LATS1: variants seen among roughly 807,000 people sequenced by gnomAD.
LATS1 encodes large tumor suppressor kinase 1.
A neutral mutation model predicts 106.6 loss-of-function variants in LATS1; 25 were observed. The ratio of observed to expected loss-of-function variants is 0.23; its 90% CI spans 0.17 to 0.33. LATS1 has a LOEUF of 0.33. Ranked by LOEUF, LATS1 falls within the 10% of genes least tolerant of loss-of-function variation. LATS1 has a pLI of 1.00. For synonymous variants in LATS1, 465 were observed against 455.6 expected (o/e 1.02, Z -0.26); for missense variants, 1,040 against 1,382.6 (o/e 0.75, Z 3.93).
At position 149,696,583 on chromosome 6, in the gene LATS1, AAAAG is replaced by A. The variant is rs1783088238; in HGVS notation, c.349-1366_349-1363del. ...TTAAAAAAAAAAAAAAAAAAAAAAA[AAAAG>A]AACTACTTTTTTATATGAGTATCTT... On this transcript the variant is annotated intron_variant, in intron 2 of 7. Coordinates refer to ENST00000543571, the MANE Select transcript of LATS1 (RefSeq NM_004690.4). Among the ~76,000 whole-genome samples, 5 of 151,268 alleles carry A rather than the reference AAAAG, an allele frequency of 3.3e-5. No individual in the cohort carries two copies. In the South Asian group the frequency reaches 8.4e-4, roughly 25 times the overall value.
chr6:149,664,572 C>T (rs1781045323), intron 7 of LATS1, among the ~76,000 whole-genome samples: 1 of 152,132 alleles, frequency 6.6e-6, no homozygotes, highest in Admixed American at 6.5e-5. Context: ...TACATATACT[C>T]TCCTGTCTCC....
intron 7 of LATS1, among the ~76,000 whole-genome samples, chr6:149,672,114 A>C (rs1283873894): frequency 6.6e-6 from 1 of 151,702 alleles, no homozygotes; most frequent in Non-Finnish European, 1.5e-5. Context: ...GCTGGTCTCA[A>C]ACTCCTGACC....
chr6:149,685,642 T>TTCCAAA (rs1423619354), intron 3 of LATS1, among the ~76,000 whole-genome samples: 1 of 152,168 alleles, frequency 6.6e-6, no homozygotes, highest in African/African-American at 2.4e-5. Flanking sequence ...CTCCTAAGCC[T>TTCCAAA]TCCAAAGTGC....
intron 3 of LATS1, among the ~76,000 whole-genome samples, chr6:149,684,873 C>CA (rs1782275204): frequency 6.6e-6 from 1 of 150,504 alleles, no homozygotes; most frequent in Non-Finnish European, 1.5e-5. Context: ...CTCAATTTAG[C>CA]AAAAAAAGAA....
chr6:149,664,514 A>T (rs1016334166), intron 7 of LATS1, among the ~76,000 whole-genome samples: 2 of 152,166 alleles, frequency 1.3e-5, no homozygotes, highest in Non-Finnish European at 2.9e-5. Context: ...TAAAGAGAAG[A>T]AAACCCTAAA....
At chr6:149,705,215 T>A (rs1372104177) in intron 1 of LATS1, among the ~76,000 whole-genome samples, 1 of 152,232 alleles carries the variant, frequency 6.6e-6, no homozygotes, top group African/African-American at 2.4e-5. Flanking sequence ...GTGCTTTTTA[T>A]GAAGGAAGCT....
chr6:149,692,893 C>G (rs934758337), intron 3 of LATS1, among the ~76,000 whole-genome samples: 1 of 151,882 alleles, frequency 6.6e-6, no homozygotes, highest in Non-Finnish European at 1.5e-5. Flanking sequence ...TGGCTGGTCT[C>G]TAACTCCCGA....
In LATS1 at chr6:149,686,301, C is replaced by T. The variant is rs538646435; in HGVS notation, c.497-1709G>A. ...TAATGTTTGGGGAACATTATCATTC[C>T]GGATAAACTGGACAAGTCCTCTGGC... is the stretch of plus-strand genomic sequence containing the variant. On this transcript the variant is annotated intron_variant, in intron 3 of 7. Coordinates refer to ENST00000543571, the MANE Select transcript of LATS1 (RefSeq NM_004690.4). 1.1e-4 allele frequency among the ~76,000 whole-genome samples: 16 copies of T among 152,262 alleles called. No individual in the cohort carries two copies. The South Asian group carries it at 1.5e-3, about 14-fold the overall frequency.
intron 7 of LATS1, among the ~76,000 whole-genome samples, chr6:149,673,625 C>T (rs1242395153): frequency 2.0e-5 from 3 of 151,462 alleles, no homozygotes; most frequent in Admixed American, 1.3e-4. Flanking sequence ...CAGACCTATA[C>T]TATAAAAAAT....
At chr6:149,701,460 C>T (rs1463683310) in intron 2 of LATS1, among the ~76,000 whole-genome samples, 1 of 152,212 alleles carries the variant, frequency 6.6e-6, no homozygotes, top group Non-Finnish European at 1.5e-5. Flanking sequence ...GCTTGTATTT[C>T]ACACAAACAG....
At chr6:149,709,848 G>A (rs1031709777) in intron 1 of LATS1, among the ~76,000 whole-genome samples, 2 of 151,596 alleles carry the variant, frequency 1.3e-5, no homozygotes, top group Non-Finnish European at 2.9e-5. Context: ...GCTAATTTTT[G>A]TATTTTTAGT....
chr6:149,659,337 G>A lies in LATS1; in HGVS notation c.*2392C>T, dbSNP rs1303873884. 4.6e-5 allele frequency: 9 copies of A among 193,824 alleles called. No individual in the cohort carries two copies. The highest frequency in any genetic ancestry group is 1.9e-4 in the South Asian group (1 of 5,190). The allele number at this position is 193,824 out of a possible 1,614,324, so 12.0% of individuals were successfully genotyped here. The stretch of plus-strand genomic sequence containing the variant: ...ACAAAAATTAGCTGGGCTTGGTGGC[G>A]CATGCCCAGCTACTTGGGAGGCTGA... On this transcript the variant is annotated 3_prime_UTR_variant, in exon 8 of 8. Coordinates refer to ENST00000543571, the MANE Select transcript of LATS1 (RefSeq NM_004690.4).
Position 149,713,364 on chromosome 6 carries a change from G to A in LATS1, c.-141+4485C>T, listed in dbSNP as rs55858131. Among the ~76,000 whole-genome samples, 1,257 of 150,350 alleles carry A rather than the reference G, an allele frequency of 8.4e-3. 18 individuals are homozygous for A. Among genetic ancestry groups the A allele is most frequent in the African/African-American group, 0.029 (1,203 of 40,866 alleles). Reference sequence around the variant, plus strand: ...GGCTGGAGTGCAATGGTGCCATCTCGGCTCACTGCAACCTCTGCCTCCCGG... The same window carrying A: ...GGCTGGAGTGCAATGGTGCCATCTCAGCTCACTGCAACCTCTGCCTCCCGG... On this transcript the variant is annotated intron_variant, in intron 1 of 7. Transcript: ENST00000543571.
chr6:149,695,949 A>G (rs537666799), intron 2 of LATS1, among the ~76,000 whole-genome samples: 251 of 151,546 alleles, frequency 1.7e-3, no homozygotes, highest in African/African-American at 5.1e-3. Context: ...TTGTTGCTCA[A>G]GTTGGAGTGC....
intron 1 of LATS1, chr6:149,702,498 AGTT>A (rs1243363023): frequency 1.8e-5 from 3 of 166,316 alleles, no homozygotes; most frequent in African/African-American, 7.9e-5. Flanking sequence ...AAAAAAAAAA[AGTT>A]CCTTAGTAAG....
rs1781963524 is a variant in LATS1, at chr6:149,680,323, T to C, written c.2145A>G (p.Ala715=). ...FVKIKTLGIG[A]FGEVCLARKV... ...TTCTTGCTAGACAGACTTCACCAAA[T>C]GCTCCTATTCCTAGTGTCTTTATCT... The change falls in exon 5 of 8, where the codon GCA becomes GCG. Residue 715 remains alanine, a synonymous_variant. Transcript: ENST00000543571. 1 of 1,613,910 alleles carries C rather than the reference T, an allele frequency of 6.2e-7. No individual in the cohort carries two copies.
chr6:149,665,944 C>A (rs1781118905), intron 7 of LATS1, among the ~76,000 whole-genome samples: 2 of 151,628 alleles, frequency 1.3e-5, no homozygotes, highest in Non-Finnish European at 1.5e-5. Flanking sequence ...GAGTTTGAGA[C>A]CAGCCTGGCC....
intron 3 of LATS1, among the ~76,000 whole-genome samples, chr6:149,692,669 TTTTC>T (rs998796004): frequency 2.0e-5 from 3 of 151,268 alleles, no homozygotes; most frequent in East Asian, 1.9e-4. Context: ...TTCTTTTTCT[TTTTC>T]TTTCTTTTTT....
At position 149,659,315 on chromosome 6, in the gene LATS1, A is replaced by G. The variant is rs538157283; in HGVS notation, c.*2414T>C. ...AAACCCCATCTCTACTAAAGATACAAAAATTAGCTGGGCTTGGTGGCGCAT... is the reference window on the plus strand; with the variant it reads ...AAACCCCATCTCTACTAAAGATACAGAAATTAGCTGGGCTTGGTGGCGCAT... On this transcript the variant is annotated 3_prime_UTR_variant, in exon 8 of 8. Coordinates refer to ENST00000543571, the MANE Select transcript of LATS1 (RefSeq NM_004690.4). 7.8e-4 allele frequency: 148 copies of G among 189,990 alleles called. No individual in the cohort carries two copies. Among genetic ancestry groups the G allele is most frequent in the African/African-American group, 3.2e-3 (136 of 43,002 alleles). 11.8% of individuals were successfully genotyped at this position (189,990 alleles called of 1,614,324 possible). A position where few individuals can be genotyped will look rare whatever the true frequency, so the allele number is the denominator to read the frequency against.
Sources: allele counts gnomAD v4.1 joint callset (sites outside exome capture counted in the v4.1 genomes callset), GRCh38; gene constraint gnomAD v4.1.1; transcripts MANE v1.5; gene names NCBI Gene and HGNC (gene_info 2026-07-23, HGNC 2026-07-21).